PALM2AKAP2: variants seen among roughly 807,000 people sequenced by gnomAD.
The protein encoded by PALM2AKAP2 is PALM2 and AKAP2 fusion, also known as PALM2-AKAP2 fusion protein.
Under a neutral mutation model 71.5 loss-of-function variants are expected in PALM2AKAP2, and 37 were observed. That is an observed-to-expected ratio of 0.52 (90% CI 0.40 to 0.68). The LOEUF (loss-of-function observed/expected upper bound fraction) is 0.68. PALM2AKAP2 is among the 30% of genes least tolerant of loss of function. PALM2AKAP2 has a pLI of 0.00. For missense variants in PALM2AKAP2, 1,224 were observed against 1,191.8 expected (o/e 1.03, Z -0.40); for synonymous variants, 468 against 478.8 (o/e 0.98, Z 0.29).
rs114201613 is a variant in PALM2AKAP2, at chr9:109,848,809, T to G, written c.46-18682T>G. On this transcript the variant is annotated intron_variant, in intron 1 of 9. Coordinates refer to the PALM2AKAP2 transcript ENST00000302798. Reference sequence around the variant, plus strand: ...AAAAAAAAAAATTAGTTGGGTGTTGTGATGGAGGCTGAGATGGGATGACTG... The same window carrying G: ...AAAAAAAAAAATTAGTTGGGTGTTGGGATGGAGGCTGAGATGGGATGACTG... Among the ~76,000 whole-genome samples the G allele has an allele frequency of 3.2e-3, 477 of 149,450 alleles. 1 individual carries two copies. The highest frequency in any genetic ancestry group is 0.011 in the African/African-American group (432 of 40,476).
chr9:110,144,109 T>C (rs2119148664), intron 2 of PALM2AKAP2, among the ~76,000 whole-genome samples: 1 of 152,314 alleles, frequency 6.6e-6, no homozygotes, highest in Admixed American at 6.5e-5. Flanking sequence ...CTTGGTGGAG[T>C]GTGCCATGCT....
intron 1 of PALM2AKAP2, among the ~76,000 whole-genome samples, chr9:110,051,851 T>G (rs1833716746): frequency 6.6e-6 from 1 of 152,182 alleles, no homozygotes; most frequent in African/African-American, 2.4e-5. Context: ...AAGTAATTGA[T>G]TAGTATCTTG....
intron 1 of PALM2AKAP2, among the ~76,000 whole-genome samples, chr9:109,699,701 T>C (rs1828023817): frequency 1.3e-5 from 2 of 152,022 alleles, no homozygotes; most frequent in Admixed American, 1.3e-4. Context: ...GGTGATTGAA[T>C]AAGAAGTGAT....
At position 110,162,053 on chromosome 9, in the gene PALM2AKAP2, C is replaced by G. The variant is rs1276575569; in HGVS notation, c.2748+5556C>G. 5 of 1,610,690 alleles carry G rather than the reference C, an allele frequency of 3.1e-6. No homozygotes were observed. In the African/African-American group the frequency reaches 5.4e-5, roughly 17 times the overall value. On this transcript the variant is annotated intron_variant, in intron 3 of 3. Coordinates refer to ENST00000374525, the Ensembl canonical transcript of PALM2AKAP2. ...GCTAGGGGGTGTTCTGTAAGTGTGT[C>G]ACTGCCATGTACTAACCCTGGTCTT...
In PALM2AKAP2 at chr9:109,973,969, G is replaced by C. The variant is rs12003527; in HGVS notation, c.496+41941G>C. ...CGCTGTGCTGGGCATTGGAAACACA[G>C]TGATGTGCAAGACAGACACTCTTCC... On this transcript the variant is annotated intron_variant, in intron 6 of 9. Coordinates refer to the PALM2AKAP2 transcript ENST00000302798. Among the ~76,000 whole-genome samples the C allele has an allele frequency of 4.5e-3, 680 of 152,326 alleles. 2 individuals carry two copies. Among genetic ancestry groups the C allele is most frequent in the African/African-American group, 0.012 (493 of 41,574 alleles).
Position 109,867,472 on chromosome 9 carries a change from C to G in PALM2AKAP2, c.46-19C>G. 1 of 1,609,930 alleles carries G rather than the reference C, an allele frequency of 6.2e-7. No individual in the cohort carries two copies. Among genetic ancestry groups the G allele is most frequent in the Non-Finnish European group, 8.5e-7 (1 of 1,178,780 alleles). On this transcript the variant is annotated intron_variant, in intron 1 of 9. Coordinates refer to the PALM2AKAP2 transcript ENST00000302798. ...CAACACCCACCCACTCTTACAGCCT[C>G]TGTCTCTTTATTTTCAAGGAAAAAA...
chr9:110,109,865 T>A (rs1835206656), intron 1 of PALM2AKAP2, among the ~76,000 whole-genome samples: 1 of 152,088 alleles, frequency 6.6e-6, no homozygotes, highest in Non-Finnish European at 1.5e-5. Context: ...AAGTACCATA[T>A]GACCTAGCAA....
chr9:109,821,055 A>G (rs779612207), intron 1 of PALM2AKAP2, among the ~76,000 whole-genome samples: 1 of 152,144 alleles, frequency 6.6e-6, no homozygotes. Flanking sequence ...AGTCTTCTCA[A>G]TTTCCAGTCA....
chr9:109,948,510 G>A (rs1277452559), intron 6 of PALM2AKAP2, among the ~76,000 whole-genome samples: 3 of 152,252 alleles, frequency 2.0e-5, no homozygotes, highest in Middle Eastern at 3.4e-3. Context: ...ATTTTTCAAT[G>A]TTCTCTTTTA....
intron 6 of PALM2AKAP2, among the ~76,000 whole-genome samples, chr9:109,995,601 T>C (rs528733647): frequency 1.6e-3 from 248 of 152,244 alleles, no homozygotes; most frequent in Non-Finnish European, 3.0e-3. Context: ...AAAGAGAGCA[T>C]GTGCAGGGGA....
intron 1 of PALM2AKAP2, among the ~76,000 whole-genome samples, chr9:109,684,697 C>CT: frequency 6.6e-6 from 1 of 152,292 alleles, no homozygotes; most frequent in East Asian, 1.9e-4. Flanking sequence ...AATAAAACCT[C>CT]TTTTTGATTA....
At chr9:110,119,508 A>C (rs1477126536) in intron 1 of PALM2AKAP2, among the ~76,000 whole-genome samples, 2 of 152,154 alleles carry the variant, frequency 1.3e-5, no homozygotes, top group African/African-American at 4.8e-5. Context: ...TTGGAAGTAT[A>C]ACCACTGGGT....
rs567460599 is a variant in PALM2AKAP2 at position 110,137,844 on chromosome 9, G to A, written c.1874G>A (p.Arg625Gln). 1.2e-5 allele frequency: 19 copies of A among 1,614,166 alleles called. No individual in the cohort carries two copies. Among genetic ancestry groups the A allele is most frequent in the African/African-American group, 9.3e-5 (7 of 75,046 alleles). ...CAAACTGACAACCCCTCAGAGGGCC[G>A]AGGAGAAGGCGTCTCCAAGTCATTT... is the stretch of plus-strand genomic sequence containing the variant. The change falls in exon 2 of 4, where the codon CGA (arginine) becomes CAA (glutamine). Residue 625 changes from arginine (R) to glutamine (Q), a missense_variant. Transcript: ENST00000374525.
At chr9:109,942,749 C>T in intron 6 of PALM2AKAP2, 2 of 1,613,362 alleles carry the variant, frequency 1.2e-6, no homozygotes, top group Non-Finnish European at 1.7e-6. Context: ...AAGATTCTCT[C>T]TACATCTACC....
chr9:110,099,003 C>T (rs1449551805), intron 1 of PALM2AKAP2, among the ~76,000 whole-genome samples: 1 of 152,164 alleles, frequency 6.6e-6, no homozygotes, highest in Admixed American at 6.5e-5. Context: ...ACTTTCAATT[C>T]CCCTGTTTTT....
At chr9:109,993,490 C>T (rs1302835151) in intron 6 of PALM2AKAP2, among the ~76,000 whole-genome samples, 1 of 152,224 alleles carries the variant, frequency 6.6e-6, no homozygotes, top group African/African-American at 2.4e-5. Flanking sequence ...GTCAGTAGGA[C>T]ACTGACCACC....
At chr9:109,933,688 A>C (rs957637552) in intron 6 of PALM2AKAP2, among the ~76,000 whole-genome samples, 6 of 152,240 alleles carry the variant, frequency 3.9e-5, no homozygotes, top group Non-Finnish European at 4.4e-5. Context: ...ATGCATTTTC[A>C]AAAGTATAAT....
At chr9:109,698,599 A>T (rs1166955202) in intron 1 of PALM2AKAP2, among the ~76,000 whole-genome samples, 2 of 152,144 alleles carry the variant, frequency 1.3e-5, no homozygotes, top group Non-Finnish European at 2.9e-5. Context: ...TCTTTGAGGC[A>T]GGCAACACAC....
chr9:109,703,308 T>G lies in PALM2AKAP2; in HGVS notation c.5+62442T>G, dbSNP rs138991586. On this transcript the variant is annotated intron_variant, in intron 1 of 6. Transcript: ENST00000374531. ...CCAGGCTTTATCTGAAGTGTGTAGT[T>G]TCAGTTTGGTATGTATTTCTGTTGT... 9.0e-4 allele frequency among the ~76,000 whole-genome samples: 137 copies of G among 152,318 alleles called. 1 individual carries two copies. Among genetic ancestry groups the G allele is most frequent in the Middle Eastern group, 3.4e-3 (1 of 294 alleles).
Sources: allele counts gnomAD v4.1 joint callset (sites outside exome capture counted in the v4.1 genomes callset), GRCh38; gene constraint gnomAD v4.1.1; transcripts MANE v1.5; gene names NCBI Gene and HGNC (gene_info 2026-07-23, HGNC 2026-07-21).